Variants in DFFB observed in about 807,000 individuals in gnomAD.
DFFB encodes DNA fragmentation factor 40 kDa subunit.
DFFB carries 29 observed loss-of-function variants against 32.7 expected under a neutral mutation model. The observed-to-expected ratio is 0.89, with a 90% confidence interval of 0.66 to 1.21. The LOEUF (loss-of-function observed/expected upper bound fraction) is 1.21, where lower values mean the gene tolerates loss of function less well. Among genes scored for constraint, DFFB ranks in the 50% most tolerant of loss-of-function variants. The pLI, the probability that DFFB is intolerant of heterozygous loss-of-function variation, is 0.00. For missense variants in DFFB, 398 were observed against 440.6 expected (o/e 0.90, Z 0.87); for synonymous variants, 170 against 177.1 (o/e 0.96, Z 0.32).
intron 2 of DFFB, among the ~76,000 whole-genome samples, chr1:3,864,842 C>G (rs1052743804): frequency 3.3e-5 from 5 of 152,174 alleles, no homozygotes; most frequent in African/African-American, 9.7e-5. Flanking sequence ...AGCCACCGCG[C>G]CCAGCCCTAA....
intron 6 of DFFB, among the ~76,000 whole-genome samples, chr1:3,874,663 A>G (rs1645187352): frequency 7.1e-6 from 1 of 139,916 alleles, no homozygotes; most frequent in Non-Finnish European, 1.6e-5. Context: ...TGTGGTCTGC[A>G]GAGCCGTGTA....
intron 2 of DFFB, among the ~76,000 whole-genome samples, chr1:3,864,775 C>T (rs1644943198): frequency 6.6e-6 from 1 of 151,608 alleles, no homozygotes; most frequent in Admixed American, 6.6e-5. Context: ...TCTCAAACTC[C>T]TGCCCTTAAG....
chr1:3,871,598 A>T (rs913455855), intron 5 of DFFB, among the ~76,000 whole-genome samples: 1 of 152,106 alleles, frequency 6.6e-6, no homozygotes, highest in Non-Finnish European at 1.5e-5. Flanking sequence ...CCAAGGCAGA[A>T]CTCTGAATCT....
rs200326674 is a variant in DFFB at position 3,858,750 on chromosome 1, C to T, written c.147C>T (p.Tyr49=). ...LPERGSRLCL[Y]EDGTELTEDY... ...AGCGCGGTTCCCGGCTGTGCCTGTA[C>T]GAGGATGGCACGGAGCTGACGGAAG... is the stretch of plus-strand genomic sequence containing the variant. Residue 49 remains tyrosine (Y), a synonymous_variant, in exon 2 of 7, where the codon TAC becomes TAT. Transcript: ENST00000378209. 2.8e-5 allele frequency: 45 copies of T among 1,614,158 alleles called. No individual in the cohort carries two copies. In the South Asian group the frequency reaches 3.4e-4, roughly 12 times the overall value.
At chr1:3,874,005 G>A (rs2124756041) in intron 6 of DFFB, among the ~76,000 whole-genome samples, 1 of 148,944 alleles carries the variant, frequency 6.7e-6, no homozygotes, top group Admixed American at 6.7e-5. Context: ...CTTGCCCCGA[G>A]GGAAAACACT....
At chr1:3,879,093 G>A (rs991109003) in intron 6 of DFFB, among the ~76,000 whole-genome samples, 3 of 152,154 alleles carry the variant, frequency 2.0e-5, no homozygotes, top group African/African-American at 7.2e-5. Context: ...CTAATTTTCT[G>A]CCTTTTTAAT....
chr1:3,877,857 C>A (rs60573564), intron 6 of DFFB, among the ~76,000 whole-genome samples: 6,117 of 152,084 alleles, frequency 0.04, 417 homozygotes, highest in African/African-American at 0.14. Flanking sequence ...TCTGTGCCGG[C>A]TTTCTATTCT....
Position 3,872,515 on chromosome 1 carries a change from AC to A in DFFB, c.729del (p.Tyr244ThrfsTer18). 1.2e-6 allele frequency: 2 copies of A among 1,613,894 alleles called. No individual in the cohort carries two copies. Among genetic ancestry groups the A allele is most frequent in the Non-Finnish European group, 1.7e-6 (2 of 1,179,992 alleles). On this transcript the variant is annotated frameshift_variant, in exon 6 of 7. Transcript: ENST00000378209. LOFTEE classifies it high-confidence loss of function. Reference protein sequence around the residue: ...MDSCLSRHSINPYSNRESRIL... With the variant: ...MDSCLSRHSIXPYSNRESRIL... ...AGCTGCTTATCAAGACACTCCATCA[AC>A]CCCTACAGTAACAGGGAGAGCAGGA...
rs1274255326 is a variant in DFFB, at chr1:3,865,254, G to A, written c.242-558G>A. Among the ~76,000 whole-genome samples the A allele has an allele frequency of 5.9e-5, 9 of 152,108 alleles. No homozygotes were observed. Among genetic ancestry groups the A allele is most frequent in the Non-Finnish European group, 1.5e-5 (1 of 68,028 alleles). ...ATCGTGAGGCTTTTCTCATATGGTG[G>A]ATCGCACTGATCGATTTGCAGGTGT... On this transcript the variant is annotated intron_variant, in intron 2 of 6. Transcript: ENST00000378209. The surrounding 1 kb of genome is among the most constrained non-coding windows in gnomAD (Gnocchi z 4.7).
chr1:3,875,697 C>G (rs72848486), intron 6 of DFFB, among the ~76,000 whole-genome samples: 4,841 of 152,270 alleles, frequency 0.032, 218 homozygotes, highest in African/African-American at 0.11. Flanking sequence ...TGCTCGTTCT[C>G]TCTTGGGCTA....
chr1:3,872,285 C>T (rs1289754078), intron 5 of DFFB, among the ~76,000 whole-genome samples, 187 bp from the exon 6 acceptor site: 2 of 152,106 alleles, frequency 1.3e-5, no homozygotes, highest in Non-Finnish European at 2.9e-5. Flanking sequence ...TGATGGCGGG[C>T]ACCTGTAGTC....
intron 3 of DFFB, chr1:3,866,518 G>A (rs1229702066): frequency 5.6e-6 from 1 of 178,190 alleles, no homozygotes; most frequent in Non-Finnish European, 1.2e-5. Context: ...GATTACAGGC[G>A]GGAGCCACCC....
At chr1:3,877,829 A>ACTGTGCCGGCTTTCTATT (rs70940337) in intron 6 of DFFB, among the ~76,000 whole-genome samples, 7 of 149,188 alleles carry the variant, frequency 4.7e-5, no homozygotes, top group Non-Finnish European at 9.0e-5. Flanking sequence ...CCTCAGTTCC[A>ACTGTGCCGGCTTTCTATT]CTGTGCCGGC....
chr1:3,881,886 C>T lies in DFFB; in HGVS notation c.783-1621C>T, dbSNP rs529633120. Among the ~76,000 whole-genome samples, 15 of 148,764 alleles carry T rather than the reference C, an allele frequency of 1.0e-4. No homozygotes were observed. The South Asian group carries it at 2.1e-3, about 21-fold the overall frequency. ...CTCTGTTTCAAAAAAAAAAAAAAGG[C>T]GACTTTTGCTCAGCATTTTGTGGGT... On this transcript the variant is annotated intron_variant, in intron 6 of 6. Transcript: ENST00000378209.
chr1:3,884,501 A>C lies in DFFB; in HGVS notation c.*760A>C, dbSNP rs1445666081. On this transcript the variant is annotated 3_prime_UTR_variant, in exon 7 of 7. Transcript: ENST00000378209. ...CTCTTGACTCTTCTAAATGCCCAAA[A>C]GAGGTGTCATGCTTTGGGGGTACGA... is the stretch of plus-strand genomic sequence containing the variant. 6.6e-6 allele frequency: 1 copy of C among 152,192 alleles called. No individual in the cohort carries two copies. The highest frequency in any genetic ancestry group is 1.9e-4 in the East Asian group (1 of 5,194). The allele number at this position is 152,192 out of a possible 1,614,324, so 9.4% of individuals were successfully genotyped here.
At chr1:3,857,890 G>A (rs1045166280) in intron 1 of DFFB, among the ~76,000 whole-genome samples, 173 bp downstream of exon 1, 1 of 152,224 alleles carries the variant, frequency 6.6e-6, no homozygotes, top group Non-Finnish European at 1.5e-5. Flanking sequence ...TCCTGAGCGT[G>A]GCTTCAGAAC....
chr1:3,859,350 A>G (rs1412628624), intron 2 of DFFB, among the ~76,000 whole-genome samples: 2 of 152,142 alleles, frequency 1.3e-5, no homozygotes, highest in East Asian at 1.9e-4. Flanking sequence ...CTTTCGGGGC[A>G]TCTGTATTGA....
At chr1:3,857,932 C>T (rs911563219) in intron 1 of DFFB, among the ~76,000 whole-genome samples, 2 of 152,184 alleles carry the variant, frequency 1.3e-5, no homozygotes, top group African/African-American at 4.8e-5. Flanking sequence ...CTGGATCACC[C>T]CTTCCCTCTT....
chr1:3,870,661 G>A (rs765988145), intron 5 of DFFB, among the ~76,000 whole-genome samples: 1 of 152,168 alleles, frequency 6.6e-6, no homozygotes, highest in Non-Finnish European at 1.5e-5. Flanking sequence ...ATAAATGAGC[G>A]AGACAGAGGA....
Sources: gnomAD v4.1 joint callset for allele counts (sites outside exome capture counted in the v4.1 genomes callset) on GRCh38, gnomAD v4.1.1 for gene constraint, Gnocchi (gnomAD v3.1) non-coding constraint, MANE v1.5 for transcripts, NCBI Gene and HGNC (gene_info 2026-07-23, HGNC 2026-07-21) for gene names.